Variants in PGAP1 observed in about 807,000 individuals in gnomAD.
The protein encoded by PGAP1 is post-GPI attachment to proteins inositol deacylase 1.
In PGAP1, 76 loss-of-function variants were observed where a neutral mutation model predicts 127.0. The observed-to-expected ratio is 0.60, with a 90% CI of 0.50 to 0.72. The LOEUF (loss-of-function observed/expected upper bound fraction) is 0.72. PGAP1 is among the 30% of genes least tolerant of loss of function. The pLI is 0.00. For synonymous variants in PGAP1, 362 were observed against 366.5 expected, an observed-to-expected ratio of 0.99 and a Z score of 0.14; for missense variants, 982 against 1,071.3, an observed-to-expected ratio of 0.92 and a Z score of 1.16.
intron 20 of PGAP1, among the ~76,000 whole-genome samples, chr2:196,864,330 C>T (rs944798270): frequency 5.7e-5 from 7 of 121,810 alleles, no homozygotes; most frequent in Non-Finnish European, 1.1e-4. Context: ...GTGGAGGTTA[C>T]AGTGAACCGA....
At chr2:196,894,993 C>G (rs1172125373) in intron 7 of PGAP1, among the ~76,000 whole-genome samples, 1 of 152,072 alleles carries the variant, frequency 6.6e-6, no homozygotes, top group African/African-American at 2.4e-5. Flanking sequence ...TTTAGTTTCC[C>G]TGAATATATA....
chr2:196,904,867 C>A (rs948029942), intron 4 of PGAP1, among the ~76,000 whole-genome samples: 1 of 152,140 alleles, frequency 6.6e-6, no homozygotes, highest in African/African-American at 2.4e-5. Context: ...GCAGCAGGAA[C>A]CTCTAAAGTG....
intron 22 of PGAP1, 33 bp downstream of exon 22, chr2:196,846,970 C>T: frequency 6.6e-7 from 1 of 1,509,328 alleles, no homozygotes; most frequent in Non-Finnish European, 9.1e-7. Flanking sequence ...CTTCTTAAAG[C>T]AATAAGAAAG....
intron 25 of PGAP1, among the ~76,000 whole-genome samples, 173 bp downstream of exon 25, chr2:196,843,715 G>A (rs998122325): frequency 3.3e-5 from 5 of 151,890 alleles, no homozygotes; most frequent in East Asian, 1.9e-4. Flanking sequence ...GCAACAAAGC[G>A]GGACTCCATC....
At chr2:196,921,188 TAAAA>T (rs34282392) in intron 1 of PGAP1, among the ~76,000 whole-genome samples, 1 of 144,462 alleles carries the variant, frequency 6.9e-6, no homozygotes. Flanking sequence ...CTCGTTGTTC[TAAAA>T]AAAAAAAAAA....
chr2:196,926,630 C>T lies in PGAP1; in HGVS notation c.-14G>A, dbSNP rs1471626419. 6.3e-7 allele frequency: 1 copy of T among 1,599,542 alleles called. No individual in the cohort carries two copies. The highest frequency in any genetic ancestry group is 8.5e-7 in the Non-Finnish European group (1 of 1,170,964). On this transcript the variant is annotated 5_prime_UTR_variant, in exon 1 of 27. It adds an upstream start codon to the 5' untranslated region. Transcript: ENST00000354764. The stretch of plus-strand genomic sequence containing the variant: ...GTGAAGAAACATGGTGCCGCCACCA[C>T]CGCCGCCGCCGCCGCCGCCCCCTCT...
rs1450949400 is a variant in PGAP1 at position 196,900,286 on chromosome 2, G to A, written c.808-1917C>T. On this transcript the variant is annotated intron_variant, in intron 5 of 26. Transcript: ENST00000354764. ...AAATATCCACCCAGGGCAGTTACAT[G>A]AATAAAACGTCAAGTTCTATTGTGC... Among the ~76,000 whole-genome samples the A allele has an allele frequency of 8.5e-5, 13 of 152,296 alleles. No homozygotes were observed. The East Asian group carries it at 2.3e-3, about 27-fold the overall frequency.
At chr2:196,891,698 G>A (rs1305932331) in intron 9 of PGAP1, among the ~76,000 whole-genome samples, 1 of 152,008 alleles carries the variant, frequency 6.6e-6, no homozygotes, top group Admixed American at 6.6e-5. Flanking sequence ...TAGATAAGCA[G>A]TTTTTCTGTA....
intron 13 of PGAP1, among the ~76,000 whole-genome samples, chr2:196,876,996 G>A (rs772110617): frequency 1.3e-5 from 2 of 151,976 alleles, no homozygotes; most frequent in Non-Finnish European, 2.9e-5. Flanking sequence ...TTTTTACAAA[G>A]TACTTTTGGA....
chr2:196,884,442 T>C (rs1299549126), intron 12 of PGAP1, among the ~76,000 whole-genome samples: 1 of 152,202 alleles, frequency 6.6e-6, no homozygotes, highest in Non-Finnish European at 1.5e-5. Flanking sequence ...TGAATGAATA[T>C]GTACAAATAA....
At chr2:196,885,949 C>G in intron 10 of PGAP1, 69 bp from the exon 11 acceptor site, 1 of 1,051,174 alleles carries the variant, frequency 9.5e-7, no homozygotes, top group African/African-American at 1.6e-5. Context: ...AACAAACACC[C>G]ATTTTCAACA....
chr2:196,900,722 G>A (rs563253022), intron 5 of PGAP1, among the ~76,000 whole-genome samples: 30 of 152,164 alleles, frequency 2.0e-4, no homozygotes, highest in African/African-American at 5.5e-4. Flanking sequence ...TCAGGAGATC[G>A]AGACCATCCT....
Position 196,875,815 on chromosome 2 carries a change from C to T in PGAP1, c.1357G>A (p.Val453Ile), listed in dbSNP as rs756202633. ...VPSVRGSKFVVDCEFFKKEKR... is the reference protein window; with the variant it reads ...VPSVRGSKFVIDCEFFKKEKR... ...TCTTTTTTAAAGAATTCACAATCTA[C>T]AACAAACTGAAATATAAAACATTGA... is the stretch of plus-strand genomic sequence containing the variant. The change falls in exon 14 of 27, where the codon GTA becomes ATA. Residue 453 changes from valine to isoleucine, a missense_variant. Transcript: ENST00000354764. 5 of 1,440,906 alleles carry T rather than the reference C, an allele frequency of 3.5e-6. No homozygotes were observed. In the Admixed American group the frequency reaches 5.3e-5, roughly 15 times the overall value. 89.3% of individuals were successfully genotyped at this position (1,440,906 alleles called of 1,614,324 possible).
intron 4 of PGAP1, among the ~76,000 whole-genome samples, chr2:196,911,926 A>C (rs1471135157): frequency 6.6e-6 from 1 of 152,224 alleles, no homozygotes; most frequent in East Asian, 1.9e-4. Context: ...TACTTCAATT[A>C]AGAGGCAGTA....
chr2:196,922,957 T>C (rs1399114498), intron 1 of PGAP1, among the ~76,000 whole-genome samples: 1 of 152,086 alleles, frequency 6.6e-6, no homozygotes, highest in Non-Finnish European at 1.5e-5. Context: ...CCCAAAGTGC[T>C]AGGATTACAG....
chr2:196,886,308 C>T (rs190074793), intron 10 of PGAP1, among the ~76,000 whole-genome samples: 2 of 151,268 alleles, frequency 1.3e-5, no homozygotes, highest in East Asian at 3.9e-4. Flanking sequence ...TTACAGGTAC[C>T]CACCACCATG....
intron 2 of PGAP1, among the ~76,000 whole-genome samples, chr2:196,917,613 G>A (rs1703059331): frequency 6.6e-6 from 1 of 151,978 alleles, no homozygotes; most frequent in Non-Finnish European, 1.5e-5. Context: ...TTTTGGAACT[G>A]GCTTCTTTCA....
intron 12 of PGAP1, among the ~76,000 whole-genome samples, chr2:196,881,595 T>G (rs1701735429): frequency 6.6e-6 from 1 of 152,246 alleles, no homozygotes; most frequent in African/African-American, 2.4e-5. Flanking sequence ...ACCGTGGTTT[T>G]GATTTGCATT....
At chr2:196,876,675 A>G (rs1329098486) in intron 13 of PGAP1, among the ~76,000 whole-genome samples, 2 of 152,122 alleles carry the variant, frequency 1.3e-5, no homozygotes, top group Non-Finnish European at 2.9e-5. Flanking sequence ...TTTGCTGTCT[A>G]CAAAAGTGGA....
Sources: allele counts gnomAD v4.1 joint callset (sites outside exome capture counted in the v4.1 genomes callset), GRCh38; gene constraint gnomAD v4.1.1; transcripts MANE v1.5; gene names NCBI Gene and HGNC (gene_info 2026-07-23, HGNC 2026-07-21).